Variants in RBFOX1 observed in about 807,000 individuals in gnomAD.
RBFOX1 encodes RNA binding fox-1 homolog 1.
A neutral mutation model predicts 57.7 loss-of-function variants in RBFOX1; 8 were observed. That is an observed-to-expected ratio of 0.14 (90% CI 0.08 to 0.25). RBFOX1 has a LOEUF of 0.25. Ranked by LOEUF, RBFOX1 falls within the 10% of genes least tolerant of loss-of-function variation. The pLI, the probability that RBFOX1 is intolerant of heterozygous loss-of-function variation, is 1.00. For synonymous variants in RBFOX1, 326 were observed against 222.4 expected (o/e 1.47, Z -4.15); for missense variants, 611 against 548.5 (o/e 1.11, Z -1.14).
intron 1 of RBFOX1, among the ~76,000 whole-genome samples, chr16:5,390,978 T>A (rs2066392936): frequency 6.6e-6 from 1 of 152,154 alleles, no homozygotes; most frequent in African/African-American, 2.4e-5. Flanking sequence ...GCTAGACCAA[T>A]CCTGATGCTT....
At chr16:5,907,132 G>T (rs1365157289) in intron 4 of RBFOX1, among the ~76,000 whole-genome samples, 3 of 152,148 alleles carry the variant, frequency 2.0e-5, no homozygotes, top group Non-Finnish European at 4.4e-5. Flanking sequence ...GATGATTTCT[G>T]TGACACCTTA....
chr16:7,399,573 G>C (rs2098203248), intron 4 of RBFOX1, among the ~76,000 whole-genome samples: 2 of 152,182 alleles, frequency 1.3e-5, no homozygotes, highest in South Asian at 4.1e-4. Context: ...GCCTCTGGTG[G>C]TGTCTGTCAA....
At chr16:5,700,725 C>T (rs1166011299) in intron 3 of RBFOX1, among the ~76,000 whole-genome samples, 1 of 152,200 alleles carries the variant, frequency 6.6e-6, no homozygotes, top group Non-Finnish European at 1.5e-5. Flanking sequence ...TAGAGCTTCT[C>T]AATCCTTCTG....
intron 3 of RBFOX1, among the ~76,000 whole-genome samples, chr16:7,004,900 A>G (rs1220854474): frequency 6.6e-6 from 1 of 152,158 alleles, no homozygotes; most frequent in Non-Finnish European, 1.5e-5. Flanking sequence ...CTGTAATTCC[A>G]GGACTTTGTA....
Position 6,655,373 on chromosome 16 carries a change from CAAAAAAAAAA to C in RBFOX1, c.-16+744_-16+753del, listed in dbSNP as rs71406388. ...TGAGTGACAAAATAAGCCTCCGTTT[CAAAAAAAAAA>C]AAAAAAAAAAAAAAAAAAAAGAGCT... On this transcript the variant is annotated intron_variant, in intron 3 of 15. Transcript: ENST00000550418. Among the ~76,000 whole-genome samples the C allele has an allele frequency of 6.6e-3, 221 of 33,730 alleles. 8 individuals are homozygous for C. The East Asian group carries it at 0.11, about 17-fold the overall frequency. The allele number at this position is 33,730 out of a possible 152,430, so 22.1% of individuals were successfully genotyped here. A position where few individuals can be genotyped will look rare whatever the true frequency, so the allele number is the denominator to read the frequency against.
intron 14 of RBFOX1, among the ~76,000 whole-genome samples, chr16:7,697,034 T>C (rs574545252): frequency 1.3e-5 from 2 of 152,176 alleles, no homozygotes; most frequent in East Asian, 1.9e-4. Flanking sequence ...CTGCAGAACA[T>C]ATTTGGGATT....
intron 3 of RBFOX1, among the ~76,000 whole-genome samples, chr16:6,919,398 A>C (rs756212745): frequency 6.6e-6 from 1 of 152,002 alleles, no homozygotes; most frequent in South Asian, 2.1e-4. Flanking sequence ...TATTAGCTCC[A>C]TTTTATAGAC....
intron 1 of RBFOX1, among the ~76,000 whole-genome samples, chr16:5,440,141 A>G (rs1228648354): frequency 1.3e-5 from 2 of 152,238 alleles, no homozygotes; most frequent in East Asian, 3.8e-4. Context: ...AATGTATAAT[A>G]AGACCACTTG....
intron 4 of RBFOX1, among the ~76,000 whole-genome samples, chr16:7,404,790 C>G (rs1383358235): frequency 6.6e-6 from 1 of 152,154 alleles, no homozygotes; most frequent in Non-Finnish European, 1.5e-5. Context: ...GTAGAATGCA[C>G]AATAGGTTAT....
rs147086868 is a variant in RBFOX1 at position 7,103,254 on chromosome 16, T to C, written c.27+51156T>C. 7.7e-3 allele frequency among the ~76,000 whole-genome samples: 1,173 copies of C among 152,310 alleles called. 11 individuals carry two copies. The highest frequency in any genetic ancestry group is 0.012 in the Non-Finnish European group (849 of 68,018). Reference sequence around the variant, plus strand: ...TTTTGCATTTGTATCAACTTTGATTTCCAGAACTTTAACTGTTTTGAGTTT... The same window carrying C: ...TTTTGCATTTGTATCAACTTTGATTCCCAGAACTTTAACTGTTTTGAGTTT... On this transcript the variant is annotated intron_variant, in intron 4 of 15. Coordinates refer to ENST00000550418, the MANE Select transcript of RBFOX1 (RefSeq NM_018723.4).
chr16:5,314,312 A>ATGTGGAG (rs1485431657), intron 1 of RBFOX1, among the ~76,000 whole-genome samples: 2 of 152,190 alleles, frequency 1.3e-5, no homozygotes, highest in Non-Finnish European at 2.9e-5. Context: ...TGTTAGGGAA[A>ATGTGGAG]TGTGGAGTGT....
In RBFOX1 at chr16:6,498,512, C is replaced by T. The variant is rs146677680; in HGVS notation, c.-63-156091C>T. ...ATTGGGGCTTGGTTCAGCAATCAGGCCCTTTTAGACCCATAGATTTTGCCT... is the reference window on the plus strand; with the variant it reads ...ATTGGGGCTTGGTTCAGCAATCAGGTCCTTTTAGACCCATAGATTTTGCCT... On this transcript the variant is annotated intron_variant, in intron 2 of 15. Transcript: ENST00000550418. Among the ~76,000 whole-genome samples, 563 of 152,218 alleles carry T rather than the reference C, an allele frequency of 3.7e-3. 1 individual carries two copies. Among genetic ancestry groups the T allele is most frequent in the African/African-American group, 0.013 (533 of 41,536 alleles).
At chr16:7,240,499 T>G (rs989747051) in intron 4 of RBFOX1, among the ~76,000 whole-genome samples, 18 of 152,190 alleles carry the variant, frequency 1.2e-4, no homozygotes, top group African/African-American at 4.3e-4. Context: ...TTTTATTGTA[T>G]TGATTTCTGT....
chr16:5,827,402 G>GAA (rs374545272), intron 3 of RBFOX1, among the ~76,000 whole-genome samples: 12,513 of 100,134 alleles, frequency 0.12, 999 homozygotes, highest in Non-Finnish European at 0.16. Context: ...TCCATCTCAG[G>GAA]GAAAAAAAAA....
intron 3 of RBFOX1, among the ~76,000 whole-genome samples, chr16:6,817,398 T>A (rs976912817): frequency 1.3e-5 from 2 of 152,044 alleles, no homozygotes; most frequent in Non-Finnish European, 1.5e-5. Context: ...AATTCAGTTT[T>A]AAAATTAACT....
At chr16:6,028,427 C>G (rs143320662) in intron 1 of RBFOX1, among the ~76,000 whole-genome samples, 2 of 147,456 alleles carry the variant, frequency 1.4e-5, no homozygotes, top group African/African-American at 2.5e-5. Context: ...AATCCCAACA[C>G]TTTGGGAGGC....
At chr16:6,271,132 T>C (rs1167896433) in intron 1 of RBFOX1, among the ~76,000 whole-genome samples, 2 of 151,946 alleles carry the variant, frequency 1.3e-5, no homozygotes, top group Non-Finnish European at 2.9e-5. Flanking sequence ...CTTAAGAACA[T>C]AGAAAAAGAG....
intron 4 of RBFOX1, among the ~76,000 whole-genome samples, chr16:7,249,864 C>T (rs938119895): frequency 6.6e-6 from 1 of 152,102 alleles, no homozygotes; most frequent in Non-Finnish European, 1.5e-5. Flanking sequence ...AATGTTTAAG[C>T]CTTTTGATAC....
intron 1 of RBFOX1, among the ~76,000 whole-genome samples, chr16:6,181,975 C>T (rs1471035822): frequency 6.6e-6 from 1 of 152,118 alleles, no homozygotes; most frequent in African/African-American, 2.4e-5. Context: ...TTCCAGAAAG[C>T]ATTTTATATC....
Sources: gnomAD v4.1 joint callset for allele counts (sites outside exome capture counted in the v4.1 genomes callset) on GRCh38, gnomAD v4.1.1 for gene constraint, MANE v1.5 for transcripts, NCBI Gene and HGNC (gene_info 2026-07-23, HGNC 2026-07-21) for gene names.